Variants in CUEDC1 observed in about 807,000 individuals in gnomAD.
CUEDC1 encodes the protein CUE domain containing 1.
Under a neutral mutation model 43.7 loss-of-function variants are expected in CUEDC1, and 30 were observed. The ratio of observed to expected loss-of-function variants is 0.69; its 90% confidence interval spans 0.51 to 0.93. The LOEUF is 0.93. Ranked by LOEUF, CUEDC1 falls within the 40% of genes least tolerant of loss-of-function variation. The pLI is 0.00. For missense variants in CUEDC1, 486 were observed against 549.0 expected, an observed-to-expected ratio of 0.89 and a Z score of 1.15; for synonymous variants, 223 against 223.6, an observed-to-expected ratio of 1.00 and a Z score of 0.02.
chr17:57,862,329 T>A lies in CUEDC1; in HGVS notation c.*960A>T, dbSNP rs1002619210. 3 of 152,610 alleles carry A rather than the reference T, an allele frequency of 2.0e-5. No individual in the cohort carries two copies. The highest frequency in any genetic ancestry group is 7.3e-5 in the African/African-American group (3 of 41,370). 9.5% of individuals were successfully genotyped at this position (152,610 alleles called of 1,614,324 possible). On this transcript the variant is annotated 3_prime_UTR_variant, in exon 11 of 11. Transcript: ENST00000577830. The stretch of plus-strand genomic sequence containing the variant: ...GGCGCTCACCCAGGCTGGCGGCCTT[T>A]CCGCCTTGCTCTTTAGCCCTGCACC...
intron 1 of CUEDC1, among the ~76,000 whole-genome samples, chr17:57,945,975 G>A (rs1370928211): frequency 6.6e-6 from 1 of 151,694 alleles, no homozygotes; most frequent in Non-Finnish European, 1.5e-5. Flanking sequence ...GTGGGTGACA[G>A]AGCAAGACTC....
At chr17:57,899,771 C>T (rs2074452136) in intron 1 of CUEDC1, among the ~76,000 whole-genome samples, 1 of 152,198 alleles carries the variant, frequency 6.6e-6, no homozygotes, top group Non-Finnish European at 1.5e-5. Flanking sequence ...ACTCAATGTA[C>T]TACTCCCCTC....
At chr17:57,866,301 C>G (rs2073956468) in intron 10 of CUEDC1, among the ~76,000 whole-genome samples, 173 bp downstream of exon 10, 1 of 152,210 alleles carries the variant, frequency 6.6e-6, no homozygotes, top group Non-Finnish European at 1.5e-5. Flanking sequence ...ATGCAATGAA[C>G]TAGTTCCCAC....
At chr17:57,870,868 T>C (rs1205193348) in intron 6 of CUEDC1, among the ~76,000 whole-genome samples, 1 of 152,062 alleles carries the variant, frequency 6.6e-6, no homozygotes, top group Non-Finnish European at 1.5e-5. Flanking sequence ...TTGGTAGAGA[T>C]AGGGGGGTCT....
At chr17:57,876,079 G>A (rs1237271910) in intron 3 of CUEDC1, among the ~76,000 whole-genome samples, 1 of 152,118 alleles carries the variant, frequency 6.6e-6, no homozygotes, top group Non-Finnish European at 1.5e-5. Flanking sequence ...GGTAGCAGAT[G>A]GGGGCCAGGC....
At chr17:57,879,830 T>C in intron 2 of CUEDC1, 92 bp from the exon 3 acceptor site, 2 of 1,287,458 alleles carry the variant, frequency 1.6e-6, no homozygotes, top group South Asian at 2.7e-5. Flanking sequence ...AGGGCAGGTA[T>C]AATAAAGGAA....
intron 3 of CUEDC1, 44 bp downstream of exon 3, chr17:57,879,567 C>CTCT: frequency 6.5e-7 from 1 of 1,541,220 alleles, no homozygotes; most frequent in Non-Finnish European, 8.7e-7. Context: ...GCCACTGATC[C>CTCT]TCTTCCCTGC....
chr17:57,951,493 C>G (rs900446306), intron 1 of CUEDC1, among the ~76,000 whole-genome samples: 1 of 151,968 alleles, frequency 6.6e-6, no homozygotes, highest in African/African-American at 2.4e-5. Context: ...GAGTCTCACT[C>G]TGTTGTCCAG....
intron 3 of CUEDC1, among the ~76,000 whole-genome samples, chr17:57,876,158 TGTC>T (rs909619289): frequency 6.6e-6 from 1 of 152,146 alleles, no homozygotes; most frequent in Non-Finnish European, 1.5e-5. Context: ...AACCTGATCG[TGTC>T]GCTCTCCAGG....
intron 1 of CUEDC1, among the ~76,000 whole-genome samples, chr17:57,931,533 G>C (rs926249561): frequency 5.9e-5 from 9 of 152,158 alleles, no homozygotes; most frequent in Non-Finnish European, 1.3e-4. Flanking sequence ...CTAAGTCAAA[G>C]GGCACTGCTG....
At chr17:57,932,485 C>T (rs1027447609) in intron 1 of CUEDC1, among the ~76,000 whole-genome samples, 6 of 143,576 alleles carry the variant, frequency 4.2e-5, no homozygotes, top group African/African-American at 7.9e-5. Flanking sequence ...CTCGGGAGGC[C>T]GAGGCAGGAG....
At chr17:57,910,885 C>T (rs373403045) in intron 1 of CUEDC1, among the ~76,000 whole-genome samples, 1 of 152,256 alleles carries the variant, frequency 6.6e-6, no homozygotes, top group Admixed American at 6.5e-5. Context: ...ACAGTACCCC[C>T]TGGCTTTGCT....
At chr17:57,904,693 T>C (rs972193323) in intron 1 of CUEDC1, among the ~76,000 whole-genome samples, 2 of 152,016 alleles carry the variant, frequency 1.3e-5, no homozygotes, top group African/African-American at 4.8e-5. Context: ...TTGGGAGAAA[T>C]GGGACCCCTG....
intron 1 of CUEDC1, among the ~76,000 whole-genome samples, chr17:57,918,841 T>A (rs1833132920): frequency 6.6e-6 from 1 of 152,206 alleles, no homozygotes; most frequent in Non-Finnish European, 1.5e-5. Flanking sequence ...ACATTTTATA[T>A]GTCAATTTTT....
chr17:57,902,718 C>T (rs2074486104), intron 1 of CUEDC1, among the ~76,000 whole-genome samples: 1 of 152,242 alleles, frequency 6.6e-6, no homozygotes, highest in African/African-American at 2.4e-5. Context: ...CACTCAACAG[C>T]TTAAGACGTT....
At chr17:57,910,974 T>G (rs1335590304) in intron 1 of CUEDC1, among the ~76,000 whole-genome samples, 1 of 152,152 alleles carries the variant, frequency 6.6e-6, no homozygotes, top group Non-Finnish European at 1.5e-5. Flanking sequence ...CAAGCTCCTC[T>G]TGCCGTCTCC....
At chr17:57,890,640 G>A (rs2074345473) in intron 1 of CUEDC1, among the ~76,000 whole-genome samples, 2 of 152,188 alleles carry the variant, frequency 1.3e-5, no homozygotes, top group African/African-American at 4.8e-5. Flanking sequence ...AGGAATCCAG[G>A]CCCGGCAGGG....
At chr17:57,879,535 GTGT>G in intron 3 of CUEDC1, 73 bp downstream of exon 3, 1 of 1,475,258 alleles carries the variant, frequency 6.8e-7, no homozygotes, top group Non-Finnish European at 8.9e-7. Flanking sequence ...GCCAAGTTTC[GTGT>G]TGTTTGTACA....
At chr17:57,937,352 T>C (rs960449406) in intron 1 of CUEDC1, among the ~76,000 whole-genome samples, 2 of 152,066 alleles carry the variant, frequency 1.3e-5, no homozygotes, top group African/African-American at 4.8e-5. Flanking sequence ...GGCTCACACC[T>C]GTCATCCCAA....
Sources: gnomAD v4.1 joint callset for allele counts (sites outside exome capture counted in the v4.1 genomes callset) on GRCh38, gnomAD v4.1.1 for gene constraint, MANE v1.5 for transcripts, NCBI Gene and HGNC (gene_info 2026-07-23, HGNC 2026-07-21) for gene names.